Variants in NEK7 observed in about 807,000 individuals in gnomAD.
NEK7 encodes serine/threonine-protein kinase Nek7.
In NEK7, 18 loss-of-function variants were observed where a neutral mutation model predicts 44.6. That is an observed-to-expected ratio of 0.40 (90% CI 0.28 to 0.60). The LOEUF is 0.60. Among genes scored for constraint, NEK7 ranks in the 20% least tolerant of loss-of-function variants. NEK7 has a pLI of 0.38. For missense variants in NEK7, 256 were observed against 366.5 expected (o/e 0.70, Z 2.46); for synonymous variants, 130 against 121.1 (o/e 1.07, Z -0.48).
Position 198,204,883 on chromosome 1 carries a change from T to C in NEK7, c.-28-27670T>C, listed in dbSNP as rs564826984. On this transcript the variant is annotated intron_variant, in intron 1 of 9. Coordinates refer to ENST00000367385, the MANE Select transcript of NEK7 (RefSeq NM_133494.3). ...TTTAAAAAAAAGGAATGGGGAGATATTCAAGAGACATCCGCGTGTGCCTGG... is the reference window on the plus strand; with the variant it reads ...TTTAAAAAAAAGGAATGGGGAGATACTCAAGAGACATCCGCGTGTGCCTGG... Among the ~76,000 whole-genome samples the C allele has an allele frequency of 2.6e-5, 4 of 152,252 alleles. No homozygotes were observed. The East Asian group carries it at 5.8e-4, about 22-fold the overall frequency.
chr1:198,284,985 A>G (rs1448656023), intron 7 of NEK7, among the ~76,000 whole-genome samples: 1 of 152,144 alleles, frequency 6.6e-6, no homozygotes, highest in East Asian at 1.9e-4. Flanking sequence ...TGGGTACAGT[A>G]AGTTACAGAT....
intron 9 of NEK7, among the ~76,000 whole-genome samples, chr1:198,309,250 G>T (rs192234604): frequency 2.0e-4 from 31 of 152,074 alleles, no homozygotes; most frequent in Non-Finnish European, 3.8e-4. Flanking sequence ...CAGAGGAGCA[G>T]CATAAACAAA....
At chr1:198,159,156 C>T (rs1353962614) in intron 1 of NEK7, among the ~76,000 whole-genome samples, 1 of 152,220 alleles carries the variant, frequency 6.6e-6, no homozygotes, top group Middle Eastern at 3.2e-3. Flanking sequence ...ACGGCCTTCG[C>T]AGCCAATGCG....
chr1:198,263,445 G>A (rs1268921732), intron 4 of NEK7, among the ~76,000 whole-genome samples: 1 of 151,834 alleles, frequency 6.6e-6, no homozygotes, highest in African/African-American at 2.4e-5. Flanking sequence ...TAAGTAGAAA[G>A]AAGAAAGTCA....
chr1:198,284,087 T>A (rs1027792868), intron 7 of NEK7, among the ~76,000 whole-genome samples: 5 of 152,148 alleles, frequency 3.3e-5, no homozygotes, highest in African/African-American at 1.2e-4. Flanking sequence ...ATCATAGTTC[T>A]TTACAGTTTG....
intron 1 of NEK7, among the ~76,000 whole-genome samples, chr1:198,209,206 A>G (rs1010303124): frequency 2.1e-5 from 3 of 144,190 alleles, no homozygotes; most frequent in Non-Finnish European, 1.5e-5. Flanking sequence ...TGTCTGAACT[A>G]TTTTGCCACT....
chr1:198,292,408 A>C (rs1654586773), intron 7 of NEK7, among the ~76,000 whole-genome samples: 2 of 151,984 alleles, frequency 1.3e-5, no homozygotes, highest in Non-Finnish European at 2.9e-5. Flanking sequence ...GATGTACAAA[A>C]GTCTGTGGTA....
chr1:198,227,541 G>A (rs1388188632), intron 1 of NEK7, among the ~76,000 whole-genome samples: 43 of 151,758 alleles, frequency 2.8e-4, no homozygotes, highest in Admixed American at 1.6e-3. Context: ...TTGTTTCCTG[G>A]CTTTTTAATG....
rs184202333 is a variant in NEK7 at position 198,180,292 on chromosome 1, C to T, written c.-29+23016C>T. Reference sequence around the variant, plus strand: ...AGAAAATTAATCAATAACGAAGTATCATAATTTAGAATCATTATTGTTACT... The same window carrying T: ...AGAAAATTAATCAATAACGAAGTATTATAATTTAGAATCATTATTGTTACT... On this transcript the variant is annotated intron_variant, in intron 1 of 9. Coordinates refer to ENST00000367385, the MANE Select transcript of NEK7 (RefSeq NM_133494.3). Among the ~76,000 whole-genome samples the T allele has an allele frequency of 3.4e-4, 52 of 151,812 alleles. No individual in the cohort carries two copies. The East Asian group carries it at 9.5e-3, about 28-fold the overall frequency.
intron 1 of NEK7, among the ~76,000 whole-genome samples, chr1:198,223,886 A>G (rs1666139813): frequency 6.6e-6 from 1 of 152,186 alleles, no homozygotes; most frequent in Non-Finnish European, 1.5e-5. Flanking sequence ...TCAGTGGACT[A>G]AAAATTTTCA....
chr1:198,305,090 C>A (rs938185528), intron 9 of NEK7, among the ~76,000 whole-genome samples: 1 of 128,568 alleles, frequency 7.8e-6, no homozygotes, highest in African/African-American at 3.2e-5. Flanking sequence ...TCTGAGATAA[C>A]ATAAACCATG....
intron 5 of NEK7, among the ~76,000 whole-genome samples, chr1:198,268,298 A>G (rs1460438872): frequency 6.6e-6 from 1 of 151,904 alleles, no homozygotes; most frequent in Non-Finnish European, 1.5e-5. Context: ...GTCTGTAAAC[A>G]AATTCCTTAC....
At chr1:198,162,015 C>T (rs185830891) in intron 1 of NEK7, among the ~76,000 whole-genome samples, 5 of 152,114 alleles carry the variant, frequency 3.3e-5, no homozygotes, top group East Asian at 1.9e-4. Flanking sequence ...GACTCTCCCC[C>T]GCCCCAGTAA....
chr1:198,252,319 T>C (rs2102922048), intron 2 of NEK7, among the ~76,000 whole-genome samples: 1 of 151,746 alleles, frequency 6.6e-6, no homozygotes, highest in African/African-American at 2.4e-5. Flanking sequence ...TTGGAATAGG[T>C]GTGGTGTGGT....
At chr1:198,252,880 G>A (rs1459512921) in intron 2 of NEK7, among the ~76,000 whole-genome samples, 160 bp from the exon 3 acceptor site, 1 of 151,856 alleles carries the variant, frequency 6.6e-6, no homozygotes, top group Non-Finnish European at 1.5e-5. Flanking sequence ...CAGTGTGTAG[G>A]ACAGTGCCTG....
chr1:198,180,854 T>G (rs1664743714), intron 1 of NEK7, among the ~76,000 whole-genome samples: 1 of 152,050 alleles, frequency 6.6e-6, no homozygotes, highest in Non-Finnish European at 1.5e-5. Context: ...AGCTCACACA[T>G]TTTTTAATGT....
At chr1:198,273,394 C>G (rs2102971180) in intron 5 of NEK7, among the ~76,000 whole-genome samples, 1 of 151,552 alleles carries the variant, frequency 6.6e-6, no homozygotes, top group East Asian at 1.9e-4. Flanking sequence ...TTGTTGATAC[C>G]TCATTATGCC....
chr1:198,158,120 T>TTCCC lies in NEK7; in HGVS notation c.-29+844_-29+845insTCCC, dbSNP rs537633191. ...CAGCATCCTCTATTTAGTCTTGCAC[T>TTCCC]GGGAGCGTACTGGGGTCGCGGAGAG... On this transcript the variant is annotated intron_variant, in intron 1 of 9. Coordinates refer to ENST00000367385, the MANE Select transcript of NEK7 (RefSeq NM_133494.3). Among the ~76,000 whole-genome samples, 127 of 152,300 alleles carry TTCCC rather than the reference T, an allele frequency of 8.3e-4. 3 individuals carry two copies. The South Asian group carries it at 0.026, about 31-fold the overall frequency.
Position 198,230,106 on chromosome 1 carries a change from T to C in NEK7, c.-28-2447T>C, listed in dbSNP as rs115843072. The stretch of plus-strand genomic sequence containing the variant: ...TTTACTGTGCTATTCACTATGACTC[T>C]TCAAGAGAGATTCATATAAAAAATG... On this transcript the variant is annotated intron_variant, in intron 1 of 9. Coordinates refer to ENST00000367385, the MANE Select transcript of NEK7 (RefSeq NM_133494.3). Among the ~76,000 whole-genome samples the C allele has an allele frequency of 6.9e-3, 1,052 of 152,276 alleles. 11 individuals carry two copies. The highest frequency in any genetic ancestry group is 0.024 in the African/African-American group (1,013 of 41,574).
Sources: gnomAD v4.1 joint callset for allele counts (sites outside exome capture counted in the v4.1 genomes callset) on GRCh38, gnomAD v4.1.1 for gene constraint, MANE v1.5 for transcripts, NCBI Gene and HGNC (gene_info 2026-07-23, HGNC 2026-07-21) for gene names.